MED23: variants seen among roughly 807,000 people sequenced by gnomAD.
MED23 encodes the protein mediator of RNA polymerase II transcription subunit 23.
MED23 carries 105 observed loss-of-function variants against 163.9 expected under a neutral mutation model. The ratio of observed to expected loss-of-function variants is 0.64; its 90% CI spans 0.55 to 0.75. The LOEUF is 0.75. Ranked by LOEUF, MED23 falls within the 30% of genes least tolerant of loss-of-function variation. The pLI is 0.00. For missense variants in MED23, 1,054 were observed against 1,649.0 expected, an observed-to-expected ratio of 0.64 and a Z score of 6.25; for synonymous variants, 561 against 565.6, an observed-to-expected ratio of 0.99 and a Z score of 0.12.
intron 30 of MED23, among the ~76,000 whole-genome samples, chr6:131,580,087 A>T (rs1773844344): frequency 6.6e-6 from 1 of 152,218 alleles, no homozygotes; most frequent in Non-Finnish European, 1.5e-5. Flanking sequence ...ATTTTTGTGC[A>T]TGAGCCTCTT....
chr6:131,576,015 T>C (rs939975178), intron 30 of MED23, among the ~76,000 whole-genome samples: 7 of 152,212 alleles, frequency 4.6e-5, no homozygotes, highest in African/African-American at 1.7e-4. Context: ...TTTCGATGCT[T>C]TTGCCCAATC....
At chr6:131,594,063 A>C (rs1344236153) in intron 23 of MED23, 36 bp downstream of exon 23, 13 of 1,492,590 alleles carry the variant, frequency 8.7e-6, no homozygotes, top group Non-Finnish European at 1.2e-5. Context: ...AAATACTGTT[A>C]TTTCTGGGAG....
Position 131,603,011 on chromosome 6 carries a change from T to C in MED23, c.1931+19A>G, listed in dbSNP as rs1200171520. The stretch of plus-strand genomic sequence containing the variant: ...GTTTCTAATAAATCTTAAGGAAAGA[T>C]GGTCTTCAATGAGCTCACCAAAGAT... On this transcript the variant is annotated intron_variant, in intron 16 of 28. Transcript: ENST00000368068. 10 of 1,612,196 alleles carry C rather than the reference T, an allele frequency of 6.2e-6. No individual in the cohort carries two copies. Among genetic ancestry groups the C allele is most frequent in the Non-Finnish European group, 7.6e-6 (9 of 1,178,384 alleles).
upstream of MED23, chr6:131,628,243 G>A (rs1306897464): frequency 3.1e-6 from 2 of 635,862 alleles, no homozygotes; most frequent in Admixed American, 2.6e-5. Flanking sequence ...TACGGAAGAC[G>A]GGAAGGGCCC....
At chr6:131,599,194 T>C (rs1291415910) in intron 18 of MED23, among the ~76,000 whole-genome samples, 1 of 152,206 alleles carries the variant, frequency 6.6e-6, no homozygotes, top group Non-Finnish European at 1.5e-5. Context: ...TGCAAAATTC[T>C]CAGACCTTAT....
intron 27 of MED23, 44 bp downstream of exon 27, chr6:131,590,278 T>G: frequency 6.4e-7 from 1 of 1,567,028 alleles, no homozygotes; most frequent in Non-Finnish European, 8.8e-7. Flanking sequence ...AAATAGATAC[T>G]TCAGAATTTA....
At chr6:131,615,066 C>CAAAAAAAAAAAAAAAAA (rs5880072) in intron 10 of MED23, among the ~76,000 whole-genome samples, 106 of 68,186 alleles carry the variant, frequency 1.6e-3, no homozygotes, top group South Asian at 2.2e-3. Flanking sequence ...TCTTTGTTAC[C>CAAAAAAAAAAAAAAAAA]AAAAAAAAAA....
intron 23 of MED23, 57 bp from the exon 24 acceptor site, chr6:131,593,228 T>C: frequency 6.3e-7 from 1 of 1,599,714 alleles, no homozygotes; most frequent in South Asian, 1.1e-5. Context: ...TCAATTTATC[T>C]GATTATGAGC....
At chr6:131,575,496 G>C (rs1416763759) in intron 30 of MED23, among the ~76,000 whole-genome samples, 1 of 152,128 alleles carries the variant, frequency 6.6e-6, no homozygotes, top group Non-Finnish European at 1.5e-5. Context: ...TCAGGCAGAG[G>C]ATAGGGCGGG....
At chr6:131,627,928 C>T (rs1777636427) in intron 1 of MED23, 83 bp downstream of exon 1, 1 of 1,567,506 alleles carries the variant, frequency 6.4e-7, no homozygotes, top group Non-Finnish European at 8.8e-7. Context: ...GAGGAGGTTG[C>T]CCAGGCCAGT....
At position 131,602,361 on chromosome 6, in the gene MED23, C is replaced by T. The variant is rs1775547937; in HGVS notation, c.1952G>A (p.Arg651Lys). 1 of 1,613,470 alleles carries T rather than the reference C, an allele frequency of 6.2e-7. No individual in the cohort carries two copies. Among genetic ancestry groups the T allele is most frequent in the South Asian group, 1.1e-5 (1 of 91,040 alleles). Residue 651 changes from arginine (R) to lysine (K), a missense_variant, in exon 17 of 29, where the codon AGG (arginine) becomes AAG (lysine). Arg to Lys is a conservative substitution (Grantham distance 26). This residue lies in a region of MED23 where 228 missense variants were observed against 461.3 expected (regional missense o/e 0.49). Coordinates refer to ENST00000368068, the MANE Select transcript of MED23 (RefSeq NM_004830.4). ...LHLCVESTAL[R>K]LITALGSSEV... is the part of the protein sequence containing the mutation. ...TGAGCTACCTAATGCTGTTATAAGC[C>T]TGAGAGCAGTGCTCTCGACACTGAA...
At chr6:131,587,945 G>T (rs1774294656) in intron 28 of MED23, 99 bp from the exon 29 acceptor site, 2 of 993,358 alleles carry the variant, frequency 2.0e-6, no homozygotes, top group Non-Finnish European at 3.1e-6. Flanking sequence ...AATAAACTAA[G>T]GAGTGTCGTG....
rs533347887 is a variant in MED23 at position 131,587,715 on chromosome 6, A to C, written c.4071T>G (p.Ser1357=). The change falls in exon 29 of 29, where the codon TCT becomes TCG. Residue 1357 remains serine (S), a synonymous_variant. Coordinates refer to ENST00000368068, the MANE Select transcript of MED23 (RefSeq NM_004830.4). Reference sequence around the variant, plus strand: ...CTGGTAAAGACACGGGCACCTGATTAGACTGAGGTGCTGGAGACCCACTGT... The same window carrying C: ...CTGGTAAAGACACGGGCACCTGATTCGACTGAGGTGCTGGAGACCCACTGT... ...AMNSGSPAPQ[S]NQVPVSLPVT... The C allele has an allele frequency of 6.2e-7, 1 of 1,614,168 alleles. No homozygotes were observed. Among genetic ancestry groups the C allele is most frequent in the African/African-American group, 1.3e-5 (1 of 75,064 alleles).
In MED23 at chr6:131,618,402, C is replaced by T; in HGVS notation, c.780+5G>A. The T allele has an allele frequency of 6.3e-7, 1 of 1,595,308 alleles. No individual in the cohort carries two copies. The highest frequency in any genetic ancestry group is 8.6e-7 in the Non-Finnish European group (1 of 1,163,128). ...CTAAAAGTGCCATTATATTTAGCAA[C>T]ATACCTTATCATATGGCAAAAGGCC... On this transcript the variant is annotated splice_donor_5th_base_variant and intron_variant, in intron 9 of 28. Transcript: ENST00000368068.
At chr6:131,627,509 T>C (rs1361138274) in intron 2 of MED23, 26 bp from the exon 3 acceptor site, 1 of 1,604,382 alleles carries the variant, frequency 6.2e-7, no homozygotes, top group Non-Finnish European at 8.5e-7. Flanking sequence ...TTACATTATT[T>C]GTCATTCGTT....
At chr6:131,597,471 A>G (rs1228468060) in intron 20 of MED23, among the ~76,000 whole-genome samples, 2 of 125,140 alleles carry the variant, frequency 1.6e-5, no homozygotes, top group East Asian at 2.4e-4. Context: ...GAAAGACTCC[A>G]TATCAAAAAA....
Position 131,618,478 on chromosome 6 carries a change from T to C in MED23, c.709A>G (p.Ile237Val). Residue 237 changes from isoleucine to valine, a missense_variant, in exon 9 of 29, where the codon ATT (isoleucine) becomes GTT (valine). Coordinates refer to ENST00000368068, the MANE Select transcript of MED23 (RefSeq NM_004830.4). ...GGATCCAGTTTCCATGAATTACAAA[T>C]GGCACCCGAATTATTTACAACTGGC... ...LLPVVNNSGA[I>V]CNSWKLDPAT... is the part of the protein sequence containing the mutation. 2 of 1,614,066 alleles carry C rather than the reference T, an allele frequency of 1.2e-6. No individual in the cohort carries two copies. The highest frequency in any genetic ancestry group is 2.2e-5 in the East Asian group (1 of 44,864).
intron 30 of MED23, chr6:131,581,330 C>G (rs946323935): frequency 1.2e-6 from 2 of 1,613,852 alleles, no homozygotes. Flanking sequence ...CAAGTGGAAA[C>G]TTGCATGGAC....
chr6:131,623,497 A>T, intron 4 of MED23, 35 bp from the exon 5 acceptor site: 2 of 1,580,842 alleles, frequency 1.3e-6, no homozygotes, highest in Non-Finnish European at 1.7e-6. Context: ...CAGTTACAAG[A>T]CAGAATTTTC....
Sources: allele counts gnomAD v4.1 joint callset (sites outside exome capture counted in the v4.1 genomes callset), GRCh38; gene constraint gnomAD v4.1.1; regional missense constraint gnomAD v4.1.1; transcripts MANE v1.5; gene names NCBI Gene and HGNC (gene_info 2026-07-23, HGNC 2026-07-21).